The following PCDHGA4 variants were observed in gnomAD, a reference collection of about 807,000 sequenced individuals.
PCDHGA4 encodes the protein protocadherin gamma subfamily A, 4, also known as protocadherin gamma-A4.
Under a neutral mutation model 54.6 loss-of-function variants are expected in PCDHGA4, and 38 were observed. The ratio of observed to expected loss-of-function variants is 0.70; its 90% CI spans 0.54 to 0.91. The LOEUF (loss-of-function observed/expected upper bound fraction) is 0.91, where lower values mean the gene tolerates loss of function less well. Ranked by LOEUF, PCDHGA4 falls within the 40% of genes least tolerant of loss-of-function variation. The pLI, the probability that PCDHGA4 is intolerant of heterozygous loss-of-function variation, is 0.00. For synonymous variants in PCDHGA4, 511 were observed against 512.9 expected (o/e 1.00, Z 0.05); for missense variants, 1,298 against 1,220.9 (o/e 1.06, Z -0.94).
intron 3 of PCDHGA4, among the ~76,000 whole-genome samples, chr5:141,505,956 T>C (rs1177913983): frequency 6.6e-6 from 1 of 152,102 alleles, no homozygotes; most frequent in Non-Finnish European, 1.5e-5. Flanking sequence ...TGAAAGTGGG[T>C]GTAGAAATCC....
intron 1 of PCDHGA4, chr5:141,394,095 G>C (rs1222166545): frequency 1.9e-6 from 3 of 1,613,848 alleles, no homozygotes; most frequent in Non-Finnish European, 2.5e-6. Flanking sequence ...CTCAGATCTA[G>C]GAACACCACC....
chr5:141,380,299 C>G (rs1776363020), intron 1 of PCDHGA4, among the ~76,000 whole-genome samples: 2 of 152,210 alleles, frequency 1.3e-5, no homozygotes, highest in Middle Eastern at 3.4e-3. Flanking sequence ...ATACCTATAT[C>G]TTTGCTTGAG....
In PCDHGA4 at chr5:141,372,665, C is replaced by T. The variant is rs570619495; in HGVS notation, c.2514+15044C>T. 2.5e-6 allele frequency: 4 copies of T among 1,613,990 alleles called. No homozygotes were observed. In the African/African-American group the frequency reaches 4.0e-5, roughly 16 times the overall value. ...CTTATTCCTACAATCCGTGTGCTGC[C>T]TCACATTCCTCAAACACCGAGTTTA... On this transcript the variant is annotated intron_variant, in intron 1 of 3. Transcript: ENST00000571252.
intron 1 of PCDHGA4, chr5:141,374,317 T>C: frequency 1.2e-6 from 2 of 1,613,982 alleles, no homozygotes; most frequent in East Asian, 2.2e-5. Context: ...TCTCTCTGAA[T>C]CCGCGAAACG....
intron 1 of PCDHGA4, chr5:141,375,049 G>C (rs1176998287): frequency 1.2e-6 from 2 of 1,614,010 alleles, no homozygotes; most frequent in Non-Finnish European, 1.7e-6. Context: ...TTGAAGCCCG[G>C]GATGGGCCAG....
intron 1 of PCDHGA4, chr5:141,475,934 GC>G (rs879308605): frequency 6.0e-6 from 4 of 665,236 alleles, no homozygotes; most frequent in Non-Finnish European, 1.0e-5. Context: ...TCGGGCCCCT[GC>G]CCGTCCCCTT....
At position 141,486,464 on chromosome 5, in the gene PCDHGA4, G is replaced by A; in HGVS notation, c.2515-8343G>A. The A allele has an allele frequency of 1.2e-6, 2 of 1,614,034 alleles. No homozygotes were observed. Among genetic ancestry groups the A allele is most frequent in the Non-Finnish European group, 1.7e-6 (2 of 1,179,946 alleles). On this transcript the variant is annotated intron_variant, in intron 1 of 3. Transcript: ENST00000571252. This position sits in a 1 kb window ranked among gnomAD's most constrained non-coding sequence, Gnocchi z 5.0. ...CATCATGGTCACTGCTTCTGATGCTGGGAACCCTCCTCTCAGTACCCACAG... is the reference window on the plus strand; with the variant it reads ...CATCATGGTCACTGCTTCTGATGCTAGGAACCCTCCTCTCAGTACCCACAG...
chr5:141,393,408 G>T (rs2092753153), intron 1 of PCDHGA4: 1 of 1,614,022 alleles, frequency 6.2e-7, no homozygotes, highest in East Asian at 2.2e-5. Context: ...GCTGGAGCGC[G>T]CCCTGGACAG....
chr5:141,362,685 C>T, intron 1 of PCDHGA4: 1 of 1,139,308 alleles, frequency 8.8e-7, no homozygotes, highest in East Asian at 2.6e-5. Context: ...TTGTCTTAAT[C>T]TTATCTAACT....
intron 3 of PCDHGA4, chr5:141,507,274 C>T (rs1000866082): frequency 1.3e-5 from 2 of 151,532 alleles, no homozygotes; most frequent in Non-Finnish European, 2.9e-5. Context: ...ACTATTTCAG[C>T]ATAAGTCAGT....
intron 1 of PCDHGA4, chr5:141,423,108 GC>G: frequency 1.2e-6 from 2 of 1,613,864 alleles, no homozygotes; most frequent in African/African-American, 2.7e-5. Flanking sequence ...CGGGCGAGGT[GC>G]GTACAGCGCG....
intron 1 of PCDHGA4, among the ~76,000 whole-genome samples, chr5:141,460,963 G>A (rs760674165): frequency 3.0e-4 from 27 of 89,804 alleles, no homozygotes; most frequent in Admixed American, 4.3e-4. Context: ...ATATATATAT[G>A]TGTGTGTGTG....
At position 141,487,700 on chromosome 5, in the gene PCDHGA4, C is replaced by A; in HGVS notation, c.2515-7107C>A. On this transcript the variant is annotated intron_variant, in intron 1 of 3. Coordinates refer to ENST00000571252, the MANE Select transcript of PCDHGA4 (RefSeq NM_018917.4). This position sits in a 1 kb window ranked among gnomAD's most constrained non-coding sequence, Gnocchi z 5.0. ...AGGCCATGTCCTAGAGAGTACTGGCCTCTCAGTAAGTGCCCATAGTGATGT... is the reference window on the plus strand; with the variant it reads ...AGGCCATGTCCTAGAGAGTACTGGCATCTCAGTAAGTGCCCATAGTGATGT... The A allele has an allele frequency of 6.3e-7, 1 of 1,597,514 alleles. No homozygotes were observed. Among genetic ancestry groups the A allele is most frequent in the African/African-American group, 1.3e-5 (1 of 74,868 alleles).
chr5:141,481,502 T>G (rs1425241526), intron 1 of PCDHGA4, among the ~76,000 whole-genome samples: 1 of 152,232 alleles, frequency 6.6e-6, no homozygotes, highest in Non-Finnish European at 1.5e-5. Context: ...TTGCATGGTA[T>G]GTGAATTATG....
At chr5:141,361,575 C>T (rs1407406869) in intron 1 of PCDHGA4, 3 of 1,614,062 alleles carry the variant, frequency 1.9e-6, no homozygotes, top group Non-Finnish European at 8.5e-7. Context: ...CTGACCCTGA[C>T]TTGGGCCCCA....
chr5:141,413,461 C>G (rs1294898087), intron 1 of PCDHGA4: 11 of 1,614,082 alleles, frequency 6.8e-6, no homozygotes, highest in Non-Finnish European at 7.6e-6. Flanking sequence ...CAGGATAGAC[C>G]GGGAGGAGCT....
In PCDHGA4 at chr5:141,356,135, CTGGATTCTATGACA is replaced by C. The variant is rs779609652; in HGVS notation, c.1030_1043del (p.Gly344ArgfsTer6). The C allele has an allele frequency of 1.2e-6, 2 of 1,613,762 alleles. No individual in the cohort carries two copies. The highest frequency in any genetic ancestry group is 1.7e-6 in the Non-Finnish European group (2 of 1,179,800). On this transcript the variant is annotated frameshift_variant, in exon 1 of 4. Coordinates refer to ENST00000571252, the MANE Select transcript of PCDHGA4 (RefSeq NM_018917.4). LOFTEE classifies it high-confidence loss of function. ...TTGGGGGGTCTAGATTATGAGGACT[CTGGATTCTATGACA>C]TAGATGTAGAAGCCCATGATGGGCC...
chr5:141,508,961 A>G (rs991011427), intron 3 of PCDHGA4, among the ~76,000 whole-genome samples: 2 of 151,978 alleles, frequency 1.3e-5, no homozygotes, highest in Non-Finnish European at 2.9e-5. Flanking sequence ...TGTCAGCGGA[A>G]TGAAAGGGCT....
intron 1 of PCDHGA4, chr5:141,409,404 A>T: frequency 5.0e-6 from 8 of 1,614,046 alleles, no homozygotes; most frequent in Non-Finnish European, 6.8e-6. Flanking sequence ...TCCAATAACT[A>T]CTACAAACTG....
Sources: allele counts gnomAD v4.1 joint callset (sites outside exome capture counted in the v4.1 genomes callset), GRCh38; gene constraint gnomAD v4.1.1; non-coding constraint Gnocchi (gnomAD v3.1); transcripts MANE v1.5; gene names NCBI Gene and HGNC (gene_info 2026-07-23, HGNC 2026-07-21).